OSBPL11: variants seen among roughly 807,000 people sequenced by gnomAD.
OSBPL11 encodes the protein oxysterol binding protein like 11.
A neutral mutation model predicts 84.4 loss-of-function variants in OSBPL11; 33 were observed. That is an observed-to-expected ratio of 0.39 (90% CI 0.30 to 0.52). The LOEUF is 0.52. Among genes scored for constraint, OSBPL11 ranks in the 20% least tolerant of loss-of-function variants. The pLI is 0.72. For missense variants in OSBPL11, 736 were observed against 901.1 expected (o/e 0.82, Z 2.35); for synonymous variants, 276 against 310.2 (o/e 0.89, Z 1.16).
intron 1 of OSBPL11, among the ~76,000 whole-genome samples, chr3:125,585,536 GA>G (rs34111464): frequency 4.4e-3 from 377 of 85,098 alleles, no homozygotes; most frequent in South Asian, 0.021. Flanking sequence ...TTAGCTTTCT[GA>G]AAAAAAAAAA....
At chr3:125,588,969 C>A (rs1168777842) in intron 1 of OSBPL11, among the ~76,000 whole-genome samples, 1 of 152,166 alleles carries the variant, frequency 6.6e-6, no homozygotes, top group Non-Finnish European at 1.5e-5. Flanking sequence ...GAGGGGTCCT[C>A]CCTCCTGCCA....
At chr3:125,530,624 C>CAA in intron 12 of OSBPL11, 44 bp from the exon 13 acceptor site, 1 of 1,507,346 alleles carries the variant, frequency 6.6e-7, no homozygotes, top group South Asian at 1.1e-5. Context: ...CTAATATTAT[C>CAA]AAAATCAGTA....
intron 7 of OSBPL11, among the ~76,000 whole-genome samples, 158 bp downstream of exon 7, chr3:125,563,540 C>G (rs1259679445): frequency 1.3e-5 from 2 of 151,876 alleles, no homozygotes; most frequent in African/African-American, 4.8e-5. Context: ...TATAAGAGAC[C>G]TCTTCAAAAA....
At chr3:125,567,260 T>A in intron 6 of OSBPL11, 134 bp downstream of exon 6, 1 of 748,274 alleles carries the variant, frequency 1.3e-6, no homozygotes, top group Non-Finnish European at 2.2e-6. Context: ...AGCATGATAA[T>A]TAAAAACCAA....
chr3:125,582,954 G>T lies in OSBPL11; in HGVS notation c.189C>A (p.Gly63=), dbSNP rs1400230789. The T allele has an allele frequency of 2.5e-6, 4 of 1,590,096 alleles. No individual in the cohort carries two copies. Among genetic ancestry groups the T allele is most frequent in the Middle Eastern group, 1.7e-4 (1 of 6,006 alleles). The change falls in exon 2 of 13, where the codon GGC becomes GGA. Residue 63 remains glycine, a synonymous_variant. Coordinates refer to ENST00000296220, the MANE Select transcript of OSBPL11 (RefSeq NM_022776.5). ...CAAGGTTGGTATACTTCATTAAATAGCCATACACATTTTCCATGTGATCAC... is the reference window on the plus strand; with the variant it reads ...CAAGGTTGGTATACTTCATTAAATATCCATACACATTTTCCATGTGATCAC... ...QYSDHMENVY[G]YLMKYTNLVT... is the part of the protein sequence containing the mutation.
intron 6 of OSBPL11, among the ~76,000 whole-genome samples, chr3:125,564,638 G>C (rs1936129341): frequency 6.6e-6 from 1 of 151,782 alleles, no homozygotes; most frequent in Non-Finnish European, 1.5e-5. Context: ...AGAAATGTAG[G>C]AGTAGGAAAT....
Position 125,552,530 on chromosome 3 carries a change from T to C in OSBPL11, c.1305A>G (p.Ser435=). The change falls in exon 9 of 13, where the codon TCA becomes TCG. Residue 435 remains serine (S), a synonymous_variant. Coordinates refer to ENST00000296220, the MANE Select transcript of OSBPL11 (RefSeq NM_022776.5). ...MIRFVEYYLT[S]FHEGRKGAIA... is the part of the protein sequence containing the mutation. ...TGGCTCCCTTACGGCCTTCATGAAA[T>C]GAGGTAAGGTAGTACTCAACAAAGC... 6.2e-7 allele frequency: 1 copy of C among 1,614,208 alleles called. No homozygotes were observed.
intron 4 of OSBPL11, among the ~76,000 whole-genome samples, chr3:125,578,694 C>T (rs1164207429): frequency 6.6e-6 from 1 of 151,870 alleles, no homozygotes; most frequent in Non-Finnish European, 1.5e-5. Context: ...TCACTTGAAC[C>T]CGGGAGGCAG....
chr3:125,558,839 G>A (rs192651149), intron 8 of OSBPL11, among the ~76,000 whole-genome samples: 129 of 152,314 alleles, frequency 8.5e-4, no homozygotes, highest in African/African-American at 2.9e-3. Context: ...TGAATCGTCA[G>A]GGATCTTATT....
chr3:125,542,102 C>T (rs565689079), intron 10 of OSBPL11, among the ~76,000 whole-genome samples: 2 of 152,218 alleles, frequency 1.3e-5, no homozygotes, highest in South Asian at 2.1e-4. Flanking sequence ...GAAAATAACC[C>T]GAAGAAATAA....
chr3:125,592,294 G>A (rs576714285), intron 1 of OSBPL11, among the ~76,000 whole-genome samples: 3 of 152,166 alleles, frequency 2.0e-5, no homozygotes, highest in South Asian at 2.1e-4. Flanking sequence ...CCACCTCAGC[G>A]CCCCAAAGTG....
intron 1 of OSBPL11, among the ~76,000 whole-genome samples, chr3:125,585,103 A>G (rs1023716822): frequency 2.0e-5 from 3 of 152,084 alleles, no homozygotes; most frequent in Admixed American, 6.6e-5. Flanking sequence ...AGTAACATCA[A>G]TCGCTAAAAA....
intron 4 of OSBPL11, among the ~76,000 whole-genome samples, chr3:125,578,583 T>G (rs1936369380): frequency 6.6e-6 from 1 of 152,112 alleles, no homozygotes; most frequent in African/African-American, 2.4e-5. Flanking sequence ...AAACAACTTT[T>G]TTTAGTAAAG....
At chr3:125,541,872 C>T (rs369279624) in intron 10 of OSBPL11, among the ~76,000 whole-genome samples, 1 of 152,146 alleles carries the variant, frequency 6.6e-6, no homozygotes, top group African/African-American at 2.4e-5. Flanking sequence ...TGTGAGCCAC[C>T]GTACCCGGCC....
chr3:125,551,256 T>C (rs918741714), intron 9 of OSBPL11, among the ~76,000 whole-genome samples: 2 of 150,936 alleles, frequency 1.3e-5, no homozygotes, highest in Non-Finnish European at 2.9e-5. Context: ...CATTAAAATA[T>C]GTTTTATCAA....
chr3:125,541,684 C>T (rs1935731286), intron 10 of OSBPL11, among the ~76,000 whole-genome samples: 1 of 152,142 alleles, frequency 6.6e-6, no homozygotes, highest in Non-Finnish European at 1.5e-5. Context: ...ATCAAGCCAT[C>T]CACCCGCCTC....
intron 10 of OSBPL11, among the ~76,000 whole-genome samples, chr3:125,542,354 A>C (rs968215284): frequency 6.6e-6 from 1 of 150,564 alleles, no homozygotes; most frequent in Non-Finnish European, 1.5e-5. Context: ...TTTGAGATGC[A>C]GTTCCGTTCT....
At chr3:125,583,384 C>T (rs1380266965) in intron 1 of OSBPL11, among the ~76,000 whole-genome samples, 1 of 151,762 alleles carries the variant, frequency 6.6e-6, no homozygotes, top group African/African-American at 2.4e-5. Context: ...AGTTCAAGAC[C>T]AGCCTGGTCA....
At chr3:125,589,342 C>CAAAAAAAAA (rs35267505) in intron 1 of OSBPL11, among the ~76,000 whole-genome samples, 4 of 62,012 alleles carry the variant, frequency 6.5e-5, no homozygotes, top group Non-Finnish European at 1.0e-4. Flanking sequence ...AACTCCATCT[C>CAAAAAAAAA]AAAAAAAAAA....
Sources: gnomAD v4.1 joint callset for allele counts (sites outside exome capture counted in the v4.1 genomes callset) on GRCh38, gnomAD v4.1.1 for gene constraint, MANE v1.5 for transcripts, NCBI Gene and HGNC (gene_info 2026-07-23, HGNC 2026-07-21) for gene names.